Variants in RBFOX1 observed in about 807,000 individuals in gnomAD.
RBFOX1 encodes RNA binding protein fox-1 homolog 1.
In RBFOX1, 8 loss-of-function variants were observed where a neutral mutation model predicts 57.7. The observed-to-expected ratio is 0.14, with a 90% CI of 0.08 to 0.25. The LOEUF is 0.25. RBFOX1 is among the 10% of genes least tolerant of loss of function. RBFOX1 has a pLI of 1.00. For synonymous variants in RBFOX1, 326 were observed against 222.4 expected (o/e 1.47, Z -4.15); for missense variants, 611 against 548.5 (o/e 1.11, Z -1.14).
intron 1 of RBFOX1, among the ~76,000 whole-genome samples, chr16:5,456,436 G>A (rs899667291): frequency 6.6e-6 from 1 of 152,192 alleles, no homozygotes; most frequent in Non-Finnish European, 1.5e-5. Context: ...TGTGGAAATA[G>A]AATCATTCTT....
chr16:7,702,474 T>C (rs17144627), intron 14 of RBFOX1, among the ~76,000 whole-genome samples: 6,498 of 152,248 alleles, frequency 0.043, 376 homozygotes, highest in East Asian at 0.22. Flanking sequence ...GCATTTTCAT[T>C]TAGTGACGAG....
chr16:5,687,984 T>G (rs2151451696), intron 3 of RBFOX1, among the ~76,000 whole-genome samples: 1 of 152,336 alleles, frequency 6.6e-6, no homozygotes, highest in East Asian at 1.9e-4. Context: ...TTTCTTCTCG[T>G]TCTCTGCAAG....
At chr16:7,218,016 G>A (rs771675020) in intron 4 of RBFOX1, among the ~76,000 whole-genome samples, 5 of 151,116 alleles carry the variant, frequency 3.3e-5, no homozygotes, top group African/African-American at 9.7e-5. Flanking sequence ...GTGTTTGTAC[G>A]TGTGTGGGGT....
chr16:6,563,192 G>T (rs1374403039), intron 2 of RBFOX1, among the ~76,000 whole-genome samples: 3 of 152,090 alleles, frequency 2.0e-5, no homozygotes, highest in African/African-American at 7.2e-5. Flanking sequence ...CTCTGAATTA[G>T]TTCTAGTCCA....
At chr16:6,753,108 A>C (rs1219342107) in intron 3 of RBFOX1, among the ~76,000 whole-genome samples, 2 of 152,190 alleles carry the variant, frequency 1.3e-5, no homozygotes, top group Non-Finnish European at 2.9e-5. Context: ...ACTTGAGTAA[A>C]CATCATGTAT....
intron 4 of RBFOX1, among the ~76,000 whole-genome samples, chr16:5,883,284 AAT>A (rs1182838217): frequency 6.6e-6 from 1 of 152,212 alleles, no homozygotes; most frequent in East Asian, 1.9e-4. Flanking sequence ...ATATTTTAAA[AAT>A]ATATGTGTGT....
chr16:6,331,816 C>G (rs957682215), intron 2 of RBFOX1, among the ~76,000 whole-genome samples: 1 of 151,366 alleles, frequency 6.6e-6, no homozygotes, highest in Non-Finnish European at 1.5e-5. Context: ...TGGAAATGTA[C>G]AAATAGTTTC....
chr16:6,862,278 C>T (rs1263939725), intron 3 of RBFOX1, among the ~76,000 whole-genome samples: 1 of 152,108 alleles, frequency 6.6e-6, no homozygotes, highest in Non-Finnish European at 1.5e-5. Flanking sequence ...GATTTTAATT[C>T]TGTAGGTCTG....
chr16:6,596,535 T>A (rs190965213), intron 2 of RBFOX1, among the ~76,000 whole-genome samples: 6 of 144,372 alleles, frequency 4.2e-5, no homozygotes, highest in Admixed American at 2.7e-4. Flanking sequence ...CTGGCATTTT[T>A]AGTTTCTGCA....
At chr16:6,747,014 T>G (rs2154187708) in intron 3 of RBFOX1, among the ~76,000 whole-genome samples, 1 of 152,248 alleles carries the variant, frequency 6.6e-6, no homozygotes, top group South Asian at 2.1e-4. Flanking sequence ...CACCACAGAT[T>G]ATTGAGGTGT....
At chr16:5,510,727 C>T (rs575015550) in intron 2 of RBFOX1, among the ~76,000 whole-genome samples, 1 of 152,250 alleles carries the variant, frequency 6.6e-6, no homozygotes, top group East Asian at 1.9e-4. Context: ...TAGTAAAACT[C>T]AGGTGTATCA....
chr16:6,788,576 C>T (rs914374267), intron 3 of RBFOX1, among the ~76,000 whole-genome samples: 1 of 151,814 alleles, frequency 6.6e-6, no homozygotes, highest in Non-Finnish European at 1.5e-5. Context: ...TCTGGGTTCA[C>T]GCCATTCTCC....
intron 4 of RBFOX1, among the ~76,000 whole-genome samples, chr16:7,324,487 A>G (rs1167840319): frequency 2.6e-5 from 4 of 152,200 alleles, no homozygotes; most frequent in Non-Finnish European, 5.9e-5. Flanking sequence ...GCCTCAAGCA[A>G]GGTCAACAAA....
intron 3 of RBFOX1, among the ~76,000 whole-genome samples, chr16:5,783,249 A>T (rs570003969): frequency 1.3e-5 from 2 of 152,322 alleles, no homozygotes; most frequent in South Asian, 4.1e-4. Context: ...ATAGAAATGC[A>T]CCTGTGTAAC....
At chr16:5,676,639 T>A (rs2050177420) in intron 3 of RBFOX1, among the ~76,000 whole-genome samples, 1 of 152,164 alleles carries the variant, frequency 6.6e-6, no homozygotes, top group Admixed American at 6.5e-5. Flanking sequence ...AGCAGGAAGA[T>A]CACTGGAGGC....
intron 3 of RBFOX1, among the ~76,000 whole-genome samples, chr16:5,835,019 T>C (rs1327404367): frequency 6.6e-6 from 1 of 152,106 alleles, no homozygotes; most frequent in Non-Finnish European, 1.5e-5. Context: ...ACCATGGCCG[T>C]TTTTTAAGTC....
At chr16:7,647,553 A>AG (rs1421322778) in intron 11 of RBFOX1, among the ~76,000 whole-genome samples, 1 of 103,594 alleles carries the variant, frequency 9.7e-6, no homozygotes, top group East Asian at 2.1e-4. Flanking sequence ...TAGGAAAAAA[A>AG]AAAAAAAAGC....
chr16:5,775,335 G>A (rs1016946821), intron 3 of RBFOX1, among the ~76,000 whole-genome samples: 1 of 152,060 alleles, frequency 6.6e-6, no homozygotes, highest in African/African-American at 2.4e-5. Context: ...CAAGTTTTCT[G>A]GGCCTGATGT....
At chr16:7,078,691 A>AT (rs368105173) in intron 4 of RBFOX1, among the ~76,000 whole-genome samples, 9,289 of 142,768 alleles carry the variant, frequency 0.065, 545 homozygotes, top group African/African-American at 0.15. Context: ...ATTTTATTTT[A>AT]TTTTTTTTTG....
Sources: gnomAD v4.1 joint callset for allele counts (sites outside exome capture counted in the v4.1 genomes callset) on GRCh38, gnomAD v4.1.1 for gene constraint, MANE v1.5 for transcripts, NCBI Gene and HGNC (gene_info 2026-07-23, HGNC 2026-07-21) for gene names.